Variants in EPHX4 observed in about 807,000 individuals in gnomAD.
The protein encoded by EPHX4 is epoxide hydrolase 4.
A neutral mutation model predicts 44.9 loss-of-function variants in EPHX4; 31 were observed. That is an observed-to-expected ratio of 0.69 (90% confidence interval 0.52 to 0.93). The LOEUF is 0.93. Among genes scored for constraint, EPHX4 ranks in the 40% least tolerant of loss-of-function variants. EPHX4 has a pLI of 0.00. For synonymous variants in EPHX4, 151 were observed against 159.7 expected, an observed-to-expected ratio of 0.95 and a Z score of 0.41; for missense variants, 373 against 438.1, an observed-to-expected ratio of 0.85 and a Z score of 1.33.
intron 6 of EPHX4, among the ~76,000 whole-genome samples, chr1:92,054,187 C>T (rs1004485982): frequency 1.3e-5 from 2 of 152,336 alleles, no homozygotes; most frequent in Non-Finnish European, 2.9e-5. Flanking sequence ...AGGCTGTTAA[C>T]ATTCCCCAGG....
At chr1:92,040,227 G>A (rs1052162502) in intron 2 of EPHX4, among the ~76,000 whole-genome samples, 1 of 144,222 alleles carries the variant, frequency 6.9e-6, no homozygotes, top group Non-Finnish European at 1.5e-5. Context: ...TCAGGCTGGA[G>A]TGCAGTGGCG....
intron 4 of EPHX4, 84 bp from the exon 5 acceptor site, chr1:92,050,233 T>C: frequency 1.2e-6 from 1 of 832,166 alleles, no homozygotes. Context: ...CATCTTAAAG[T>C]AAAATTGTCC....
chr1:92,052,685 T>C (rs370243270), intron 6 of EPHX4, 27 bp downstream of exon 6: 336 of 1,550,184 alleles, frequency 2.2e-4, no homozygotes, highest in Non-Finnish European at 2.7e-4. Context: ...TTTAGTTAAA[T>C]AAAAATATTT....
At chr1:92,033,226 C>T (rs921676576) in intron 2 of EPHX4, among the ~76,000 whole-genome samples, 2 of 151,910 alleles carry the variant, frequency 1.3e-5, no homozygotes, top group African/African-American at 2.4e-5. Context: ...CTTGTAATGA[C>T]TTTTAACAGA....
At chr1:92,056,380 A>G (rs1647373372) in intron 6 of EPHX4, among the ~76,000 whole-genome samples, 1 of 152,170 alleles carries the variant, frequency 6.6e-6, no homozygotes, top group Non-Finnish European at 1.5e-5. Context: ...AAGACTAGCT[A>G]TAGAACCTGT....
At chr1:92,043,303 GA>G in intron 3 of EPHX4, 1 of 175,074 alleles carries the variant, frequency 5.7e-6, no homozygotes, top group Non-Finnish European at 1.2e-5. Context: ...CCTGAGGTCA[GA>G]GTTTAAGACC....
chr1:92,063,108 G>C lies in EPHX4; in HGVS notation c.911G>C (p.Gly304Ala). The change falls in exon 7 of 7, where the codon GGA becomes GCA. Residue 304 changes from glycine to alanine, a missense_variant. Transcript: ENST00000370383. ...ACCACTCCAACACTACTACTGTGGGGAGAGAATGACGCATTCATGGAGGTT... is the reference window on the plus strand; with the variant it reads ...ACCACTCCAACACTACTACTGTGGGCAGAGAATGACGCATTCATGGAGGTT... ...MVTTPTLLLW[G>A]ENDAFMEVEM... 1 of 1,614,146 alleles carries C rather than the reference G, an allele frequency of 6.2e-7. No homozygotes were observed. The highest frequency in any genetic ancestry group is 1.1e-5 in the South Asian group (1 of 91,078).
At chr1:92,043,085 A>G in intron 3 of EPHX4, 105 bp downstream of exon 3, 1 of 896,610 alleles carries the variant, frequency 1.1e-6, no homozygotes, top group East Asian at 2.7e-5. Flanking sequence ...CATCTACCCA[A>G]ATTATCTGGA....
chr1:92,040,236 C>T (rs1365295632), intron 2 of EPHX4, among the ~76,000 whole-genome samples: 1 of 129,852 alleles, frequency 7.7e-6, no homozygotes, highest in Non-Finnish European at 1.5e-5. Context: ...AGTGCAGTGG[C>T]GCGATCACAG....
At chr1:92,052,022 T>C (rs1647269555) in intron 5 of EPHX4, among the ~76,000 whole-genome samples, 1 of 152,208 alleles carries the variant, frequency 6.6e-6, no homozygotes. Flanking sequence ...ATTTGATATA[T>C]ATCAGTCAGT....
At chr1:92,036,105 T>C (rs1688433098) in intron 2 of EPHX4, among the ~76,000 whole-genome samples, 1 of 152,168 alleles carries the variant, frequency 6.6e-6, no homozygotes, top group Non-Finnish European at 1.5e-5. Context: ...TAAATAAAAT[T>C]CATGCATCGG....
chr1:92,033,996 A>AAT (rs1557881053), intron 2 of EPHX4, among the ~76,000 whole-genome samples: 5 of 51,416 alleles, frequency 9.7e-5, no homozygotes, highest in Admixed American at 3.0e-4. Context: ...ACATGTTTAA[A>AAT]CTTTTTTTTT....
intron 5 of EPHX4, among the ~76,000 whole-genome samples, chr1:92,050,898 G>A (rs929800699): frequency 2.0e-5 from 3 of 152,010 alleles, no homozygotes; most frequent in Admixed American, 1.3e-4. Context: ...CCAGGCTGGA[G>A]TGCAGCTCAC....
At chr1:92,052,691 T>C (rs373357808) in intron 6 of EPHX4, 33 bp downstream of exon 6, 8 of 1,533,152 alleles carry the variant, frequency 5.2e-6, no homozygotes, top group African/African-American at 1.4e-5. Flanking sequence ...TAAATAAAAA[T>C]ATTTCAGTCT....
At chr1:92,041,462 A>G (rs1003624692) in intron 2 of EPHX4, among the ~76,000 whole-genome samples, 4 of 152,216 alleles carry the variant, frequency 2.6e-5, no homozygotes, top group Non-Finnish European at 5.9e-5. Context: ...GGTGAGTAAC[A>G]TCTACTTGTG....
chr1:92,050,118 A>T (rs1489323131), intron 4 of EPHX4, among the ~76,000 whole-genome samples, 199 bp from the exon 5 acceptor site: 3 of 152,086 alleles, frequency 2.0e-5, no homozygotes, highest in Non-Finnish European at 4.4e-5. Flanking sequence ...AAAAATAAAA[A>T]AAATAATAAA....
chr1:92,042,894 A>G lies in EPHX4; in HGVS notation c.389A>G (p.Tyr130Cys), dbSNP rs1372755177. ...GTTGTAGCACTGGATTTGAGAGGTT[A>G]TGGAGAAACAGATGCTCCCATTCAT... The part of the protein sequence containing the change: ...YRVVALDLRG[Y>C]GETDAPIHRQ... Residue 130 changes from tyrosine to cysteine, a missense_variant, in exon 3 of 7, where the codon TAT becomes TGT. Transcript: ENST00000370383. 6.2e-7 allele frequency: 1 copy of G among 1,613,454 alleles called. No individual in the cohort carries two copies. The highest frequency in any genetic ancestry group is 8.5e-7 in the Non-Finnish European group (1 of 1,179,644).
intron 1 of EPHX4, among the ~76,000 whole-genome samples, chr1:92,030,990 C>G (rs550523832): frequency 6.6e-6 from 1 of 152,306 alleles, no homozygotes; most frequent in African/African-American, 2.4e-5. Flanking sequence ...TTTCCTGAGG[C>G]TCCAGGTGGT....
In EPHX4 at chr1:92,063,429, G is replaced by GA. The variant is rs1447267343; in HGVS notation, c.*150dup. ...AATAAATATCCTGACAAATGGTATTGAAAAAAATCTGAGATCATGTGAACA... is the reference window on the plus strand; with the variant it reads ...AATAAATATCCTGACAAATGGTATTGAAAAAAAATCTGAGATCATGTGAACA... On this transcript the variant is annotated 3_prime_UTR_variant, in exon 7 of 7. Coordinates refer to ENST00000370383, the MANE Select transcript of EPHX4 (RefSeq NM_173567.5). 1 of 633,102 alleles carries GA rather than the reference G, an allele frequency of 1.6e-6. No individual in the cohort carries two copies. The highest frequency in any genetic ancestry group is 2.6e-6 in the Non-Finnish European group (1 of 387,106). The allele number at this position is 633,102 out of a possible 1,614,324, so 39.2% of individuals were successfully genotyped here.
Sources: gnomAD v4.1 joint callset for allele counts (sites outside exome capture counted in the v4.1 genomes callset) on GRCh38, gnomAD v4.1.1 for gene constraint, MANE v1.5 for transcripts, NCBI Gene and HGNC (gene_info 2026-07-23, HGNC 2026-07-21) for gene names.